CALD1: variants seen among roughly 807,000 people sequenced by gnomAD.
The protein encoded by CALD1 is caldesmon.
Under a neutral mutation model 99.9 loss-of-function variants are expected in CALD1, and 33 were observed. The ratio of observed to expected loss-of-function variants is 0.33; its 90% CI spans 0.25 to 0.44. The LOEUF is 0.44. CALD1 is among the 20% of genes least tolerant of loss of function. CALD1 has a pLI of 1.00. For synonymous variants in CALD1, 310 were observed against 325.0 expected (o/e 0.95, Z 0.50); for missense variants, 861 against 962.1 (o/e 0.89, Z 1.39).
chr7:134,840,228 G>C (rs951281791), intron 1 of CALD1, among the ~76,000 whole-genome samples: 1 of 152,198 alleles, frequency 6.6e-6, no homozygotes, highest in Non-Finnish European at 1.5e-5. Context: ...ATGCTAAATA[G>C]AGGTCAAGTT....
intron 4 of CALD1, among the ~76,000 whole-genome samples, chr7:134,931,245 T>C (rs1467623647): frequency 1.3e-5 from 2 of 152,220 alleles, no homozygotes; most frequent in Non-Finnish European, 2.9e-5. Flanking sequence ...GATTTATAAA[T>C]AGGCAAAGAA....
At chr7:134,814,283 T>C (rs577014775) in intron 1 of CALD1, among the ~76,000 whole-genome samples, 2 of 152,254 alleles carry the variant, frequency 1.3e-5, no homozygotes, top group Middle Eastern at 6.8e-3. Context: ...GAGTTTGAGA[T>C]ACAGGGTCTT....
the CALD1 span, among the ~76,000 whole-genome samples, chr7:134,722,447 A>C: frequency 6.6e-6 from 1 of 151,620 alleles, no homozygotes; most frequent in Non-Finnish European, 1.5e-5. Context: ...CTGAGATGGA[A>C]TCTTCCTCTG....
At position 134,920,907 on chromosome 7, in the gene CALD1, T is replaced by C. The variant is rs190936653; in HGVS notation, c.72-7847T>C. ...AATGGAGTCCTCTTTAAGTCTTTTA[T>C]AACTGGGCTTCACTACAATACCTTG... On this transcript the variant is annotated intron_variant, in intron 3 of 14. Transcript: ENST00000361675. Among the ~76,000 whole-genome samples, 270 of 152,362 alleles carry C rather than the reference T, an allele frequency of 1.8e-3. 2 individuals carry two copies. The highest frequency in any genetic ancestry group is 2.6e-3 in the Admixed American group (40 of 15,304).
intron 3 of CALD1, among the ~76,000 whole-genome samples, chr7:134,879,899 T>C (rs1801517905): frequency 6.6e-6 from 1 of 152,218 alleles, no homozygotes; most frequent in African/African-American, 2.4e-5. Flanking sequence ...AGTTCCTTTG[T>C]TGGGATAAAA....
intron 1 of CALD1, among the ~76,000 whole-genome samples, chr7:134,748,291 G>A (rs6958260): frequency 0.044 from 6,706 of 152,188 alleles, 456 homozygotes; most frequent in African/African-American, 0.14. Context: ...TAGTACCTGC[G>A]GTCTCACCCA....
intron 1 of CALD1, among the ~76,000 whole-genome samples, chr7:134,821,729 C>T (rs375908804): frequency 9.9e-5 from 15 of 151,328 alleles, no homozygotes; most frequent in African/African-American, 1.5e-4. Context: ...ATTACAGGTG[C>T]GCACCACCAC....
chr7:134,964,720 C>T (rs1808539840), intron 13 of CALD1, among the ~76,000 whole-genome samples: 2 of 152,020 alleles, frequency 1.3e-5, no homozygotes, highest in South Asian at 2.1e-4. Flanking sequence ...TTATCAAACC[C>T]CAAATTAATC....
In CALD1 at chr7:134,933,848, A is replaced by T. The variant is rs994203795; in HGVS notation, c.1079A>T (p.Lys360Ile). 3 of 1,602,972 alleles carry T rather than the reference A, an allele frequency of 1.9e-6. No individual in the cohort carries two copies. Among genetic ancestry groups the T allele is most frequent in the Admixed American group, 3.4e-5 (2 of 58,376 alleles). Residue 360 changes from lysine to isoleucine, a missense_variant, in exon 5 of 15, where the codon AAA (lysine) becomes ATA (isoleucine). Transcript: ENST00000361675. ...GCAGCAGAGGAGAGGCAGAGGATAA[A>T]AGAGGAAGAGAAAAGGGCAGCAGAG... is the stretch of plus-strand genomic sequence containing the variant. Reference protein sequence around the residue: ...KRAAEERQRIKEEEKRAAEER... With the variant: ...KRAAEERQRIIEEEKRAAEER...
intron 7 of CALD1, among the ~76,000 whole-genome samples, chr7:134,945,417 A>G (rs908472059): frequency 6.6e-6 from 1 of 152,216 alleles, no homozygotes; most frequent in Non-Finnish European, 1.5e-5. Flanking sequence ...TCATTGTTTC[A>G]TAACAAAACG....
intron 3 of CALD1, among the ~76,000 whole-genome samples, chr7:134,872,580 G>A (rs939994436): frequency 3.9e-5 from 6 of 152,006 alleles, no homozygotes; most frequent in African/African-American, 9.7e-5. Context: ...ATACTATACC[G>A]AACCATAGGA....
intron 1 of CALD1, among the ~76,000 whole-genome samples, chr7:134,841,630 T>C (rs1030478019): frequency 6.6e-6 from 1 of 152,226 alleles, no homozygotes; most frequent in African/African-American, 2.4e-5. Flanking sequence ...CCTCCATCCC[T>C]CTGGGCACTG....
chr7:134,794,580 G>A (rs575342881), intron 1 of CALD1, among the ~76,000 whole-genome samples: 9 of 152,182 alleles, frequency 5.9e-5, no homozygotes, highest in East Asian at 3.9e-4. Context: ...TCCACTTCTC[G>A]GGTTCAAGTG....
upstream of CALD1, among the ~76,000 whole-genome samples, chr7:134,776,236 T>A (rs79711751): frequency 0.024 from 3,631 of 152,252 alleles, 165 homozygotes; most frequent in African/African-American, 0.081. Flanking sequence ...TAACATTTTA[T>A]CATTAAGCAT....
At chr7:134,829,187 C>T (rs1009299129) in intron 1 of CALD1, among the ~76,000 whole-genome samples, 1 of 152,146 alleles carries the variant, frequency 6.6e-6, no homozygotes, top group African/African-American at 2.4e-5. Context: ...ATATTAAATA[C>T]ATAAGTAACC....
chr7:134,727,857 T>C, the CALD1 span, among the ~76,000 whole-genome samples: 1 of 152,238 alleles, frequency 6.6e-6, no homozygotes, highest in Non-Finnish European at 1.5e-5. Context: ...TGTTGGGACC[T>C]AGTGCAGAAG....
chr7:134,746,221 A>C (rs1796633191), intron 1 of CALD1, among the ~76,000 whole-genome samples: 1 of 152,182 alleles, frequency 6.6e-6, no homozygotes, highest in Admixed American at 6.5e-5. Flanking sequence ...CTAAATCATA[A>C]GGGCCAATTC....
At chr7:134,816,783 A>G (rs1425036727) in intron 1 of CALD1, among the ~76,000 whole-genome samples, 1 of 152,168 alleles carries the variant, frequency 6.6e-6, no homozygotes, top group East Asian at 1.9e-4. Context: ...ACTGTTTCCC[A>G]TACTAGTTAC....
chr7:134,856,960 C>T (rs1800328369), intron 2 of CALD1, among the ~76,000 whole-genome samples: 1 of 151,488 alleles, frequency 6.6e-6, no homozygotes, highest in Admixed American at 6.6e-5. Context: ...GAAAAACAGT[C>T]AGTTAAGAAC....
Sources: gnomAD v4.1 joint callset for allele counts (sites outside exome capture counted in the v4.1 genomes callset) on GRCh38, gnomAD v4.1.1 for gene constraint, MANE v1.5 for transcripts, NCBI Gene and HGNC (gene_info 2026-07-23, HGNC 2026-07-21) for gene names.